The following NALCN variants were observed in gnomAD, a reference collection of about 807,000 sequenced individuals.
NALCN encodes sodium leak channel, non-selective, also known as sodium leak channel NALCN.
Under a neutral mutation model 225.3 loss-of-function variants are expected in NALCN, and 111 were observed. That is an observed-to-expected ratio of 0.49 (90% CI 0.42 to 0.58). The LOEUF is 0.58. Ranked by LOEUF, NALCN falls within the 20% of genes least tolerant of loss-of-function variation. The pLI, the probability that NALCN is intolerant of heterozygous loss-of-function variation, is 0.00. For synonymous variants in NALCN, 764 were observed against 769.0 expected (o/e 0.99, Z 0.11); for missense variants, 1,378 against 2,202.4 (o/e 0.63, Z 7.49).
intron 2 of NALCN, among the ~76,000 whole-genome samples, chr13:101,397,486 T>G (rs1178327963): frequency 6.6e-6 from 1 of 151,122 alleles, no homozygotes; most frequent in Admixed American, 6.6e-5. Flanking sequence ...ATATAATATA[T>G]ATGTATATGC....
At chr13:101,338,830 G>A (rs748228194) in intron 7 of NALCN, among the ~76,000 whole-genome samples, 12 of 152,212 alleles carry the variant, frequency 7.9e-5, no homozygotes, top group Non-Finnish European at 1.6e-4. Flanking sequence ...TGAGTTGTAA[G>A]ACGGTTTGGT....
intron 6 of NALCN, chr13:101,369,058 C>A: frequency 3.0e-6 from 1 of 334,612 alleles, no homozygotes; most frequent in South Asian, 2.4e-5. Context: ...AATGAATTAT[C>A]AAAGCTATAA....
chr13:101,359,397 G>T (rs138950614), intron 6 of NALCN, among the ~76,000 whole-genome samples: 1 of 152,118 alleles, frequency 6.6e-6, no homozygotes, highest in Non-Finnish European at 1.5e-5. Flanking sequence ...CTTGAGCTTC[G>T]CATAAAACTG....
intron 13 of NALCN, among the ~76,000 whole-genome samples, chr13:101,208,768 T>C (rs2040415686): frequency 6.6e-6 from 1 of 152,182 alleles, no homozygotes; most frequent in Non-Finnish European, 1.5e-5. Context: ...TGGCGCCTCC[T>C]CTCTCTTTTG....
chr13:101,249,706 A>G (rs2140187639), intron 11 of NALCN, among the ~76,000 whole-genome samples: 1 of 152,258 alleles, frequency 6.6e-6, no homozygotes, highest in East Asian at 1.9e-4. Context: ...TCAACTCATA[A>G]TGAGAAATGC....
At chr13:101,140,882 C>T (rs767059268) in intron 17 of NALCN, among the ~76,000 whole-genome samples, 1 of 152,138 alleles carries the variant, frequency 6.6e-6, no homozygotes, top group Non-Finnish European at 1.5e-5. Context: ...TATGGCCGTG[C>T]CTGTGAATAG....
At chr13:101,211,243 G>A (rs2147172) in intron 13 of NALCN, among the ~76,000 whole-genome samples, 13,584 of 152,070 alleles carry the variant, frequency 0.089, 1,809 homozygotes, top group African/African-American at 0.29. Flanking sequence ...ATGTAAGATG[G>A]CAATTAAATA....
chr13:101,168,980 C>A (rs1326201662), intron 15 of NALCN, among the ~76,000 whole-genome samples: 1 of 152,174 alleles, frequency 6.6e-6, no homozygotes, highest in Non-Finnish European at 1.5e-5. Flanking sequence ...TACTCAACCT[C>A]CAGATTTCAG....
At chr13:101,269,754 G>A (rs529346911) in intron 10 of NALCN, among the ~76,000 whole-genome samples, 12 of 152,280 alleles carry the variant, frequency 7.9e-5, no homozygotes, top group African/African-American at 2.2e-4. Flanking sequence ...CACTATACAT[G>A]TTCCAGCAGT....
At chr13:101,149,913 G>T (rs1043508025) in intron 15 of NALCN, among the ~76,000 whole-genome samples, 1 of 152,188 alleles carries the variant, frequency 6.6e-6, no homozygotes, top group African/African-American at 2.4e-5. Flanking sequence ...TCCTAGGTGC[G>T]TGCCTGCAAG....
intron 7 of NALCN, among the ~76,000 whole-genome samples, chr13:101,327,089 A>G (rs914722898): frequency 1.1e-4 from 16 of 151,782 alleles, no homozygotes; most frequent in African/African-American, 3.4e-4. Flanking sequence ...AATACATTCC[A>G]CTTCTTGGTG....
intron 3 of NALCN, among the ~76,000 whole-genome samples, chr13:101,389,331 T>C (rs1323911751): frequency 6.6e-6 from 1 of 152,130 alleles, no homozygotes; most frequent in South Asian, 2.1e-4. Flanking sequence ...TGTAAACTGG[T>C]AGGCTGCAAG....
At chr13:101,366,208 G>A (rs2046373271) in intron 6 of NALCN, among the ~76,000 whole-genome samples, 1 of 152,006 alleles carries the variant, frequency 6.6e-6, no homozygotes, top group Non-Finnish European at 1.5e-5. Flanking sequence ...AATTGCCTTA[G>A]GTCTCCATTC....
chr13:101,071,396 C>A (rs1264979457), intron 37 of NALCN, among the ~76,000 whole-genome samples: 1 of 152,212 alleles, frequency 6.6e-6, no homozygotes, highest in Non-Finnish European at 1.5e-5. Flanking sequence ...AGTGTAGCCA[C>A]CTTAATTATT....
chr13:101,383,151 G>A (rs2046896107), intron 3 of NALCN, among the ~76,000 whole-genome samples: 1 of 152,104 alleles, frequency 6.6e-6, no homozygotes, highest in Admixed American at 6.6e-5. Flanking sequence ...CCAAGTCTGT[G>A]CCAACCTTTC....
At chr13:101,065,905 C>A (rs2032344978) in intron 39 of NALCN, among the ~76,000 whole-genome samples, 1 of 152,170 alleles carries the variant, frequency 6.6e-6, no homozygotes, top group South Asian at 2.1e-4. Context: ...CAGACGCCAC[C>A]TCCAACACAT....
chr13:101,177,752 A>G (rs2039022112), intron 14 of NALCN, among the ~76,000 whole-genome samples: 1 of 152,052 alleles, frequency 6.6e-6, no homozygotes, highest in Non-Finnish European at 1.5e-5. Context: ...TTTCTTCTTA[A>G]TGAATTATTC....
At chr13:101,201,702 T>C (rs1456107294) in intron 13 of NALCN, among the ~76,000 whole-genome samples, 2 of 152,190 alleles carry the variant, frequency 1.3e-5, no homozygotes, top group African/African-American at 4.8e-5. Flanking sequence ...GTACATTTTT[T>C]CATTTAAAAA....
At chr13:101,248,218 G>A (rs2041958046) in intron 11 of NALCN, among the ~76,000 whole-genome samples, 1 of 151,822 alleles carries the variant, frequency 6.6e-6, no homozygotes, top group South Asian at 2.1e-4. Flanking sequence ...TGACCAAAGA[G>A]ATAAATGAAA....
Sources: allele counts gnomAD v4.1 joint callset (sites outside exome capture counted in the v4.1 genomes callset), GRCh38; gene constraint gnomAD v4.1.1; transcripts MANE v1.5; gene names NCBI Gene and HGNC (gene_info 2026-07-23, HGNC 2026-07-21).